CNOT4: variants seen among roughly 807,000 people sequenced by gnomAD.
CNOT4 encodes CCR4-associated factor 4.
A neutral mutation model predicts 73.8 loss-of-function variants in CNOT4; 8 were observed. The observed-to-expected ratio is 0.11, with a 90% CI of 0.06 to 0.20. The LOEUF (loss-of-function observed/expected upper bound fraction) is 0.20. Among genes scored for constraint, CNOT4 ranks in the 10% least tolerant of loss-of-function variants. CNOT4 has a pLI of 1.00. For missense variants in CNOT4, 564 were observed against 883.4 expected (o/e 0.64, Z 4.58); for synonymous variants, 293 against 321.1 (o/e 0.91, Z 0.94).
chr7:135,496,178 C>T (rs1229869300), intron 1 of CNOT4, among the ~76,000 whole-genome samples: 2 of 152,154 alleles, frequency 1.3e-5, no homozygotes, highest in African/African-American at 4.8e-5. Flanking sequence ...CTGCAACCTC[C>T]ACCTCCCGGG....
Position 135,363,864 on chromosome 7 carries a change from G to A in CNOT4, c.1830C>T (p.Ala610=), listed in dbSNP as rs764609745. ...GAGTGAGAAAGTTACCTGTGATGAT[G>A]GCTGGGTCTGTCCAGCTGCCAGGGC... The part of the protein sequence containing the change: ...WDSPGSWTDP[A]IITGIPASSG... Residue 610 remains alanine (A), a synonymous_variant, in exon 11 of 12, where the codon GCC becomes GCT. Transcript: ENST00000541284. This position sits in a 1 kb window ranked among gnomAD's most constrained non-coding sequence, Gnocchi z 4.3. 6.3e-7 allele frequency: 1 copy of A among 1,595,130 alleles called. No homozygotes were observed. The highest frequency in any genetic ancestry group is 8.5e-7 in the Non-Finnish European group (1 of 1,177,652).
rs61487024 is a variant in CNOT4, at chr7:135,479,198, A to ATTTT, written c.-93+30687_-93+30690dup. 5.6e-3 allele frequency among the ~76,000 whole-genome samples: 503 copies of ATTTT among 89,890 alleles called. 36 individuals are homozygous for ATTTT. Among genetic ancestry groups the ATTTT allele is most frequent in the African/African-American group, 0.011 (229 of 21,434 alleles). 59.0% of individuals were successfully genotyped at this position (89,890 alleles called of 152,430 possible). ...TCTCACCAAAGCCTATTAGAACCAA[A>ATTTT]TTTTTTTTTTTTTTTTTTTTTTTTT... On this transcript the variant is annotated intron_variant, in intron 1 of 11. Coordinates refer to ENST00000541284, the MANE Select transcript of CNOT4 (RefSeq NM_001190850.2).
intron 1 of CNOT4, among the ~76,000 whole-genome samples, chr7:135,495,422 T>C (rs901903697): frequency 4.0e-5 from 6 of 149,852 alleles, no homozygotes; most frequent in African/African-American, 1.2e-4. Context: ...GGAGAATCGC[T>C]TGAACCCGGG....
chr7:135,430,323 T>C (rs1331598843), intron 2 of CNOT4, among the ~76,000 whole-genome samples: 4 of 152,124 alleles, frequency 2.6e-5, no homozygotes, highest in Non-Finnish European at 5.9e-5. Flanking sequence ...GGGTTTATCT[T>C]TGAGAAGAAA....
In CNOT4 at chr7:135,369,852, G is replaced by A. The variant is rs1795102829; in HGVS notation, c.1628-5786C>T. Among the ~76,000 whole-genome samples the A allele has an allele frequency of 3.3e-5, 5 of 152,226 alleles. No homozygotes were observed. In the South Asian group the frequency reaches 1.0e-3, roughly 32 times the overall value. ...CTAAACTTCCTCAAACCTCAACAATGAATCTCTAAGTGACTCAAATACAAA... is the reference window on the plus strand; with the variant it reads ...CTAAACTTCCTCAAACCTCAACAATAAATCTCTAAGTGACTCAAATACAAA... On this transcript the variant is annotated intron_variant, in intron 10 of 11. Transcript: ENST00000541284.
chr7:135,391,297 T>C (rs1217452599), intron 10 of CNOT4, among the ~76,000 whole-genome samples: 1 of 152,130 alleles, frequency 6.6e-6, no homozygotes, highest in Non-Finnish European at 1.5e-5. Context: ...GAGAGGATTC[T>C]GGTGTGTGAG....
intron 1 of CNOT4, among the ~76,000 whole-genome samples, chr7:135,452,120 T>C (rs1449512622): frequency 6.6e-6 from 1 of 151,814 alleles, no homozygotes; most frequent in Non-Finnish European, 1.5e-5. Flanking sequence ...ACACCTGTAG[T>C]GCCAGCTACT....
intron 10 of CNOT4, among the ~76,000 whole-genome samples, chr7:135,377,531 T>C (rs986591867): frequency 6.6e-6 from 1 of 152,208 alleles, no homozygotes; most frequent in Non-Finnish European, 1.5e-5. Flanking sequence ...TTACAGTATA[T>C]TCACATACTA....
At chr7:135,445,467 T>A (rs944389629) in intron 1 of CNOT4, among the ~76,000 whole-genome samples, 3 of 152,180 alleles carry the variant, frequency 2.0e-5, no homozygotes, top group African/African-American at 7.2e-5. Flanking sequence ...ATATCTCACA[T>A]TATAAATTTC....
chr7:135,471,089 T>C (rs898160793), intron 1 of CNOT4, among the ~76,000 whole-genome samples: 11 of 152,180 alleles, frequency 7.2e-5, no homozygotes, highest in African/African-American at 2.4e-4. Flanking sequence ...ACTATTCGGC[T>C]GGTGGTGAAG....
chr7:135,489,395 T>C (rs1221527347), intron 1 of CNOT4, among the ~76,000 whole-genome samples: 2 of 140,498 alleles, frequency 1.4e-5, no homozygotes, highest in Admixed American at 7.0e-5. Context: ...ACATTTCTTT[T>C]TTTTTTTTTT....
In CNOT4 at chr7:135,362,705, A is replaced by C. The variant is rs1406002748; in HGVS notation, c.*180T>G. The C allele has an allele frequency of 1.3e-6, 1 of 760,822 alleles. No individual in the cohort carries two copies. The highest frequency in any genetic ancestry group is 1.7e-5 in the African/African-American group (1 of 58,642). The allele number at this position is 760,822 out of a possible 1,614,324, so 47.1% of individuals were successfully genotyped here. ...GGATCAACAAAAATTTTTACAATTAATAAAGAGATGGTAATGACCCTGTGA... is the reference window on the plus strand; with the variant it reads ...GGATCAACAAAAATTTTTACAATTACTAAAGAGATGGTAATGACCCTGTGA... On this transcript the variant is annotated 3_prime_UTR_variant, in exon 12 of 12. Coordinates refer to ENST00000541284, the MANE Select transcript of CNOT4 (RefSeq NM_001190850.2).
chr7:135,455,141 G>A (rs1800442184), intron 1 of CNOT4, among the ~76,000 whole-genome samples: 1 of 152,020 alleles, frequency 6.6e-6, no homozygotes, highest in Non-Finnish European at 1.5e-5. Context: ...AGGCACAGTG[G>A]TGTGTGTCTG....
intron 1 of CNOT4, among the ~76,000 whole-genome samples, chr7:135,503,319 G>C (rs928403554): frequency 6.6e-6 from 1 of 151,972 alleles, no homozygotes; most frequent in Non-Finnish European, 1.5e-5. Flanking sequence ...AAGAAAATTA[G>C]CTGGGCATGG....
Position 135,381,485 on chromosome 7 carries a change from C to A in CNOT4, c.1627+12433G>T, listed in dbSNP as rs149248936. Among the ~76,000 whole-genome samples the A allele has an allele frequency of 2.0e-5, 3 of 152,178 alleles. No homozygotes were observed. In the South Asian group the frequency reaches 6.2e-4, roughly 32 times the overall value. ...TTGCCTAGAGCTCCTTGCACTGCCC[C>A]CCACTGCCTTTTTAAAAGGGTGTAT... On this transcript the variant is annotated intron_variant, in intron 10 of 11. Transcript: ENST00000541284.
chr7:135,460,595 T>C (rs1479964051), intron 1 of CNOT4, among the ~76,000 whole-genome samples: 2 of 152,070 alleles, frequency 1.3e-5, no homozygotes, highest in Non-Finnish European at 2.9e-5. Flanking sequence ...GCTATAATAG[T>C]AACATCAAAG....
chr7:135,428,989 A>G (rs916254205), intron 2 of CNOT4, among the ~76,000 whole-genome samples: 5 of 152,182 alleles, frequency 3.3e-5, no homozygotes, highest in Non-Finnish European at 7.4e-5. Flanking sequence ...TTATACACAC[A>G]CACATACACA....
intron 1 of CNOT4, among the ~76,000 whole-genome samples, chr7:135,501,839 A>G (rs1803987061): frequency 6.6e-6 from 1 of 152,164 alleles, no homozygotes; most frequent in African/African-American, 2.4e-5. Context: ...GTGTTTGCTC[A>G]TTCTTTACTG....
chr7:135,497,227 G>T (rs1241306561), intron 1 of CNOT4, among the ~76,000 whole-genome samples: 1 of 151,994 alleles, frequency 6.6e-6, no homozygotes, highest in African/African-American at 2.4e-5. Flanking sequence ...GGCCAACACA[G>T]TGAAACCCCA....
Sources: allele counts gnomAD v4.1 joint callset (sites outside exome capture counted in the v4.1 genomes callset), GRCh38; gene constraint gnomAD v4.1.1; non-coding constraint Gnocchi (gnomAD v3.1); transcripts MANE v1.5; gene names NCBI Gene and HGNC (gene_info 2026-07-23, HGNC 2026-07-21).